Variants in CACNA2D1 observed in about 807,000 individuals in gnomAD.
CACNA2D1 encodes voltage-dependent calcium channel subunit alpha-2/delta-1.
CACNA2D1 carries 53 observed loss-of-function variants against 171.5 expected under a neutral mutation model. The ratio of observed to expected loss-of-function variants is 0.31; its 90% CI spans 0.25 to 0.39. The LOEUF is 0.39. Ranked by LOEUF, CACNA2D1 falls within the 10% of genes least tolerant of loss-of-function variation. CACNA2D1 has a pLI of 1.00. For synonymous variants in CACNA2D1, 442 were observed against 443.1 expected (o/e 1.00, Z 0.03); for missense variants, 903 against 1,299.8 (o/e 0.69, Z 4.69).
chr7:82,277,673 A>T (rs1809525495), intron 3 of CACNA2D1, among the ~76,000 whole-genome samples: 1 of 152,178 alleles, frequency 6.6e-6, no homozygotes, highest in African/African-American at 2.4e-5. Context: ...ACACACATAC[A>T]CAAAAATATG....
At chr7:82,420,008 A>G (rs1164121886) in intron 1 of CACNA2D1, among the ~76,000 whole-genome samples, 1 of 152,106 alleles carries the variant, frequency 6.6e-6, no homozygotes, top group African/African-American at 2.4e-5. Context: ...ATTGCACAGG[A>G]CAGCGCCCCC....
intron 5 of CACNA2D1, among the ~76,000 whole-genome samples, chr7:82,129,538 C>T (rs2129067631): frequency 6.6e-6 from 1 of 152,244 alleles, no homozygotes; most frequent in Non-Finnish European, 1.5e-5. Flanking sequence ...TTAGTTTCTC[C>T]ATTGAGAATT....
intron 15 of CACNA2D1, among the ~76,000 whole-genome samples, chr7:82,008,393 G>A (rs1324838109): frequency 1.3e-5 from 2 of 152,086 alleles, no homozygotes; most frequent in African/African-American, 4.8e-5. Context: ...AAAGACAACT[G>A]CAAGCATCAA....
intron 36 of CACNA2D1, among the ~76,000 whole-genome samples, chr7:81,961,596 A>G (rs1424823942): frequency 6.6e-6 from 1 of 151,816 alleles, no homozygotes; most frequent in African/African-American, 2.4e-5. Context: ...AATATAATCA[A>G]ATTTCTCTAT....
chr7:81,950,624 T>G, intron 38 of CACNA2D1, 116 bp from the exon 39 acceptor site: 1 of 1,361,990 alleles, frequency 7.3e-7, no homozygotes, highest in Non-Finnish European at 9.8e-7. Context: ...TGAACTTACC[T>G]TATAAAACTG....
In CACNA2D1 at chr7:82,005,510, A is replaced by AG; in HGVS notation, c.1516-14_1516-13insC. 6.5e-7 allele frequency: 1 copy of AG among 1,545,292 alleles called. No homozygotes were observed. The highest frequency in any genetic ancestry group is 2.3e-5 in the East Asian group (1 of 43,146). On this transcript the variant is annotated splice_polypyrimidine_tract_variant and intron_variant, in intron 17 of 38. Transcript: ENST00000356860. ...CATTGGGGCACAGCTGGAAAAGAAA[A>AG]AAAAAAAAAAGCTTGGATATGCCTG...
At chr7:82,337,871 A>G (rs1473332297) in intron 2 of CACNA2D1, among the ~76,000 whole-genome samples, 1 of 152,180 alleles carries the variant, frequency 6.6e-6, no homozygotes, top group East Asian at 1.9e-4. Context: ...AGTCTTAACA[A>G]AAAGAATACT....
At chr7:81,976,929 T>C (rs1203220515) in intron 24 of CACNA2D1, among the ~76,000 whole-genome samples, 2 of 152,228 alleles carry the variant, frequency 1.3e-5, no homozygotes, top group Admixed American at 1.3e-4. Context: ...TGAAGTTGCT[T>C]ATCAGCTTAA....
intron 38 of CACNA2D1, among the ~76,000 whole-genome samples, chr7:81,955,020 G>A (rs970986191): frequency 3.3e-4 from 50 of 151,922 alleles, no homozygotes; most frequent in African/African-American, 1.2e-3. Flanking sequence ...TTATAAATTG[G>A]GTTTGCATAA....
At chr7:82,056,645 G>A (rs1330354057) in intron 10 of CACNA2D1, among the ~76,000 whole-genome samples, 2 of 152,104 alleles carry the variant, frequency 1.3e-5, no homozygotes, top group Admixed American at 6.6e-5. Flanking sequence ...GTGTGATGCT[G>A]AGTCCTCATT....
intron 1 of CACNA2D1, among the ~76,000 whole-genome samples, chr7:82,420,655 G>A (rs558560089): frequency 1.3e-5 from 2 of 152,202 alleles, no homozygotes; most frequent in South Asian, 4.1e-4. Context: ...TCTTCTCTAT[G>A]ATACACTTTA....
chr7:82,025,706 C>T (rs942153588), intron 12 of CACNA2D1, among the ~76,000 whole-genome samples: 8 of 151,660 alleles, frequency 5.3e-5, no homozygotes, highest in Non-Finnish European at 8.9e-5. Flanking sequence ...TGTGACCTAA[C>T]GTATGATCTA....
intron 15 of CACNA2D1, among the ~76,000 whole-genome samples, chr7:82,011,834 T>G (rs1274129353): frequency 6.6e-6 from 1 of 152,094 alleles, no homozygotes; most frequent in African/African-American, 2.4e-5. Context: ...TCACAAAGAC[T>G]TTCATCTTTT....
At chr7:82,408,864 A>C (rs1217285918) in intron 1 of CACNA2D1, among the ~76,000 whole-genome samples, 2 of 152,188 alleles carry the variant, frequency 1.3e-5, no homozygotes, top group Non-Finnish European at 2.9e-5. Flanking sequence ...AGAGAAGACA[A>C]TTTAAGGCAA....
chr7:82,391,205 G>A (rs1321706234), intron 1 of CACNA2D1, among the ~76,000 whole-genome samples: 2 of 152,082 alleles, frequency 1.3e-5, no homozygotes, highest in Admixed American at 1.3e-4. Flanking sequence ...GAGTACCAAG[G>A]TGGGAAAAAA....
intron 7 of CACNA2D1, among the ~76,000 whole-genome samples, chr7:82,071,576 T>C (rs187017442): frequency 3.5e-4 from 53 of 152,270 alleles, no homozygotes; most frequent in African/African-American, 1.3e-3. Flanking sequence ...ATCCTGGATT[T>C]TATTCATTTG....
intron 3 of CACNA2D1, among the ~76,000 whole-genome samples, chr7:82,178,375 T>G (rs978004869): frequency 1.3e-5 from 2 of 152,128 alleles, no homozygotes; most frequent in Admixed American, 1.3e-4. Flanking sequence ...AGTATGAAAA[T>G]AAATAATACA....
chr7:82,100,150 G>T (rs1240195907), intron 6 of CACNA2D1, among the ~76,000 whole-genome samples: 1 of 152,142 alleles, frequency 6.6e-6, no homozygotes, highest in African/African-American at 2.4e-5. Context: ...AATTTTTTGT[G>T]TGTGTGTGAG....
intron 6 of CACNA2D1, among the ~76,000 whole-genome samples, chr7:82,113,582 G>T (rs987949490): frequency 1.3e-5 from 2 of 152,108 alleles, no homozygotes; most frequent in Non-Finnish European, 2.9e-5. Flanking sequence ...TCATCTTTGT[G>T]AAATTAGAAC....
Sources: gnomAD v4.1 joint callset for allele counts (sites outside exome capture counted in the v4.1 genomes callset) on GRCh38, gnomAD v4.1.1 for gene constraint, MANE v1.5 for transcripts, NCBI Gene and HGNC (gene_info 2026-07-23, HGNC 2026-07-21) for gene names.